Variants in EPPK1 observed in about 807,000 individuals in gnomAD.
EPPK1 encodes epiplakin 1.
For synonymous variants in EPPK1, 1,862 were observed against 1,721.2 expected (o/e 1.08, Z -2.03); for missense variants, 3,823 against 3,673.3 (o/e 1.04, Z -1.05).
intron 1 of EPPK1, among the ~76,000 whole-genome samples, chr8:143,874,726 G>A (rs868917694): frequency 6.6e-6 from 1 of 151,912 alleles, no homozygotes; most frequent in African/African-American, 2.4e-5. Flanking sequence ...TCTGCTCCCC[G>A]TTTTCTCAGC....
intron 1 of EPPK1, among the ~76,000 whole-genome samples, chr8:143,874,691 T>C (rs1331339573): frequency 1.3e-5 from 2 of 152,070 alleles, no homozygotes; most frequent in African/African-American, 4.8e-5. Flanking sequence ...TCTGCACCCC[T>C]GTGCCCACCC....
At chr8:143,873,426 T>G in intron 1 of EPPK1, 128 bp from the exon 2 acceptor site, 1 of 595,826 alleles carries the variant, frequency 1.7e-6, no homozygotes, top group Non-Finnish European at 2.6e-6. Flanking sequence ...AGCTAGAGTG[T>G]CCCCGAGGAG....
In EPPK1 at chr8:143,868,525, G is replaced by A; in HGVS notation, c.4729C>T (p.Leu1577Phe). 6.2e-7 allele frequency: 1 copy of A among 1,607,566 alleles called. No homozygotes were observed. Among genetic ancestry groups the A allele is most frequent in the Non-Finnish European group, 8.5e-7 (1 of 1,177,546 alleles). Reference protein sequence around the residue: ...LEGGNFIAGVLIQGTQERMSI... With the variant: ...LEGGNFIAGVFIQGTQERMSI... ...ATCCTCTCCTGGGTGCCCTGGATAA[G>A]GACCCCGGCAATGAAGTTGCCTCCC... The change falls in exon 2 of 2, where the codon CTT (leucine) becomes TTT (phenylalanine). Residue 1577 changes from leucine (L) to phenylalanine (F), a missense_variant. Coordinates refer to ENST00000615648, the MANE Select transcript of EPPK1 (RefSeq NM_031308.4).
In EPPK1 at chr8:143,870,040, C is replaced by G; in HGVS notation, c.3214G>C (p.Glu1072Gln). 6.2e-7 allele frequency: 1 copy of G among 1,611,136 alleles called. No individual in the cohort carries two copies. The highest frequency in any genetic ancestry group is 8.5e-7 in the Non-Finnish European group (1 of 1,179,132). The stretch of plus-strand genomic sequence containing the variant: ...GAGCTGGACAAGGCTGTCTCCATCT[C>G]CTGGTCAACATAGCCACGCTGAATG... Reference protein sequence around the residue: ...VAIQRGYVDQEMETALSSSSE... With the variant: ...VAIQRGYVDQQMETALSSSSE... Residue 1072 changes from glutamate to glutamine, a missense_variant, in exon 2 of 2, where the codon GAG becomes CAG. By Grantham distance (29) the Glu-to-Gln change is conservative. Transcript: ENST00000615648. The surrounding 1 kb of genome is among the most constrained non-coding windows in gnomAD (Gnocchi z 5.2).
rs1554661172 is a variant in EPPK1, at chr8:143,871,483, C to T, written c.1771G>A (p.Ala591Thr). The T allele has an allele frequency of 6.2e-7, 1 of 1,609,064 alleles. No individual in the cohort carries two copies. Among genetic ancestry groups the T allele is most frequent in the Non-Finnish European group, 8.5e-7 (1 of 1,178,668 alleles). ...AGGCTGCCCACATCCTTGGCTGTGG[C>T]CTGTCCATGCTCCAGCCGCTCGTAC... ...DLYERLEHGQ[A>T]TAKDVGSLAS... The change falls in exon 2 of 2, where the codon GCC (alanine) becomes ACC (threonine). Residue 591 changes from alanine (A) to threonine (T), a missense_variant. By Grantham distance (58) the Ala-to-Thr change is moderately conservative (BLOSUM62 0). Transcript: ENST00000615648.
rs782539431 is a variant in EPPK1 at position 143,872,229 on chromosome 8, G to A, written c.1025C>T (p.Ala342Val). 1.9e-6 allele frequency: 3 copies of A among 1,609,640 alleles called. No homozygotes were observed. Among genetic ancestry groups the A allele is most frequent in the Admixed American group, 1.7e-5 (1 of 59,776 alleles). The change falls in exon 2 of 2, where the codon GCA becomes GTA. Residue 342 changes from alanine to valine, a missense_variant. Transcript: ENST00000615648. ...TGGGCTGACCAGGCCCGCCCTGACT[G>A]CCTCGTCTACCCACAGCCGCTGGCC... Reference protein sequence around the residue: ...ITGQRLWVDEAVRAGLVSPEL... With the variant: ...ITGQRLWVDEVVRAGLVSPEL...
chr8:143,866,825 A>G lies in EPPK1; in HGVS notation c.6429T>C (p.Tyr2143=), dbSNP rs567353491. ...GCAGTGCCCGTCTGGTGTGTGTTCT[A>G]TACATCCTCACCAGCTGGAGCTTCT... ...EEKKLQLVRM[Y]RTHTRRALQT... Residue 2143 remains tyrosine (Y), a synonymous_variant, in exon 2 of 2, where the codon TAT becomes TAC. Transcript: ENST00000615648. 2.5e-6 allele frequency: 4 copies of G among 1,613,374 alleles called. No homozygotes were observed. The highest frequency in any genetic ancestry group is 2.2e-5 in the South Asian group (2 of 91,080).
rs781943003 is a variant in EPPK1, at chr8:143,869,555, G to A, written c.3699C>T (p.Ala1233=). ...GGCAGGCCTTCACCGCCGGCTGCTC[G>A]GCGACCTGGGCGGGCGACTGCGTGC... The part of the protein sequence containing the change: ...AQGTQSPAQV[A]EQPAVKACLW... The change falls in exon 2 of 2, where the codon GCC becomes GCT. Residue 1233 remains alanine, a synonymous_variant. Coordinates refer to ENST00000615648, the MANE Select transcript of EPPK1 (RefSeq NM_031308.4). 2.3e-5 allele frequency: 36 copies of A among 1,557,128 alleles called. 1 individual carries two copies. The highest frequency in any genetic ancestry group is 1.4e-4 in the African/African-American group (10 of 73,594).
At position 143,866,307 on chromosome 8, in the gene EPPK1, C is replaced by T. The variant is rs1819102844; in HGVS notation, c.6947G>A (p.Gly2316Glu). Residue 2316 changes from glycine to glutamate, a missense_variant, in exon 2 of 2, where the codon GGG becomes GAG. Coordinates refer to ENST00000615648, the MANE Select transcript of EPPK1 (RefSeq NM_031308.4). ...AVTGYTDPYTGQQISLFQAMQ... is the reference protein window; with the variant it reads ...AVTGYTDPYTEQQISLFQAMQ... The stretch of plus-strand genomic sequence containing the variant: ...GGCCTGGAAGAGGGAGATCTGCTGC[C>T]CGGTGTAGGGGTCGGTGTAGCCGGT... The T allele has an allele frequency of 3.8e-6, 2 of 519,700 alleles. No individual in the cohort carries two copies. Among genetic ancestry groups the T allele is most frequent in the East Asian group, 3.0e-5 (1 of 33,178 alleles). 32.2% of individuals were successfully genotyped at this position (519,700 alleles called of 1,614,324 possible). A position where few individuals can be genotyped will look rare whatever the true frequency, so the allele number is the denominator to read the frequency against.
In EPPK1 at chr8:143,871,087, G is replaced by C; in HGVS notation, c.2167C>G (p.Gln723Glu). ...TCGATGACGCCGCCCGTGGCGATCT[G>C]GGCCTCCAGCAGGCGGATGCCGTGC... The part of the protein sequence containing the change: ...REHGIRLLEA[Q>E]IATGGVIDPV... The change falls in exon 2 of 2, where the codon CAG becomes GAG. Residue 723 changes from glutamine to glutamate, a missense_variant. Coordinates refer to ENST00000615648, the MANE Select transcript of EPPK1 (RefSeq NM_031308.4). 1 of 1,613,054 alleles carries C rather than the reference G, an allele frequency of 6.2e-7. No homozygotes were observed. The highest frequency in any genetic ancestry group is 8.5e-7 in the Non-Finnish European group (1 of 1,179,988).
chr8:143,873,716 G>C (rs1554662004), intron 1 of EPPK1, among the ~76,000 whole-genome samples: 1 of 152,046 alleles, frequency 6.6e-6, no homozygotes, highest in Non-Finnish European at 1.5e-5. Flanking sequence ...CCACCCACAG[G>C]GCCCGCCCCT....
chr8:143,878,343 G>A (rs112628721), intron 1 of EPPK1, 95 bp downstream of exon 1: 1,334 of 84,604 alleles, frequency 0.016, 33 homozygotes, highest in African/African-American at 0.072. Flanking sequence ...GCCCCGCCCG[G>A]CCCCGAGCCC....
Position 143,869,826 on chromosome 8 carries a change from G to A in EPPK1, c.3428C>T (p.Ser1143Phe). 6.3e-7 allele frequency: 1 copy of A among 1,599,996 alleles called. No individual in the cohort carries two copies. The highest frequency in any genetic ancestry group is 1.3e-5 in the African/African-American group (1 of 74,778). The part of the protein sequence containing the change: ...QAVPGAKDGT[S>F]LWDLLSSCHF... ...GCAGGAGCTGAGCAGGTCCCAGAGG[G>A]ATGTGCCATCCTTGGCCCCCGGCAC... The change falls in exon 2 of 2, where the codon TCC (serine) becomes TTC (phenylalanine). Residue 1143 changes from serine (S) to phenylalanine (F), a missense_variant. Physicochemically the swap from Ser to Phe is radical, Grantham distance 155. Transcript: ENST00000615648.
chr8:143,872,094 T>C lies in EPPK1; in HGVS notation c.1160A>G (p.Asp387Gly), dbSNP rs1554661434. The change falls in exon 2 of 2, where the codon GAC (aspartate) becomes GGC (glycine). Residue 387 changes from aspartate (D) to glycine (G), a missense_variant. Transcript: ENST00000615648. Reference protein sequence around the residue: ...LFQAMKKGLVDRPLALRLLDA... With the variant: ...LFQAMKKGLVGRPLALRLLDA... ...CAAGAGCCGCAGTGCCAGTGGCCTG[T>C]CCACTAGCCCCTTCTTCATGGCCTG... is the stretch of plus-strand genomic sequence containing the variant. The C allele has an allele frequency of 6.4e-7, 1 of 1,561,732 alleles. No individual in the cohort carries two copies. Among genetic ancestry groups the C allele is most frequent in the African/African-American group, 1.4e-5 (1 of 73,738 alleles).
At chr8:143,877,624 G>A (rs781822273) in intron 1 of EPPK1, among the ~76,000 whole-genome samples, 4 of 152,108 alleles carry the variant, frequency 2.6e-5, no homozygotes, top group Non-Finnish European at 5.9e-5. Flanking sequence ...AAAGGTTGGG[G>A]AGGCTGCAGC....
rs782026846 is a variant in EPPK1, at chr8:143,872,853, AAG to A, written c.399_400del (p.Phe134SerfsTer38). On this transcript the variant is annotated frameshift_variant, in exon 2 of 2. Transcript: ENST00000615648. LOFTEE classifies it low-confidence loss of function (END_TRUNC). ...CACAACCTCCTTCCCGATGGCCTGA[AAG>A]AGGGCCAGCTTCTCACCGCCGTAGG... 3.2e-6 allele frequency: 5 copies of A among 1,567,356 alleles called. No homozygotes were observed. In the South Asian group the frequency reaches 5.9e-5, roughly 19 times the overall value.
At chr8:143,875,430 G>A (rs1291589536) in intron 1 of EPPK1, among the ~76,000 whole-genome samples, 2 of 152,250 alleles carry the variant, frequency 1.3e-5, no homozygotes, top group Non-Finnish European at 2.9e-5. Context: ...CTCAGACACG[G>A]AGCTGGGACC....
At position 143,867,223 on chromosome 8, in the gene EPPK1, C is replaced by T. The variant is rs782734320; in HGVS notation, c.6031G>A (p.Val2011Met). Reference protein sequence around the residue: ...AEALRLLEVQVATGGVIDPQH... With the variant: ...AEALRLLEVQMATGGVIDPQH... ...GGGTCGATGACACCCCCCGTGGCCA[C>T]CTGCACCTCCAGCAGCCTCAGTGCC... is the stretch of plus-strand genomic sequence containing the variant. The change falls in exon 2 of 2, where the codon GTG becomes ATG. Residue 2011 changes from valine to methionine, a missense_variant. Physicochemically the swap from Val to Met is conservative, Grantham distance 21 (BLOSUM62 1). Coordinates refer to ENST00000615648, the MANE Select transcript of EPPK1 (RefSeq NM_031308.4). 3.7e-6 allele frequency: 6 copies of T among 1,612,760 alleles called. No homozygotes were observed. The Admixed American group carries it at 1.0e-4, about 27-fold the overall frequency.
Position 143,869,247 on chromosome 8 carries a change from A to G in EPPK1, c.4007T>C (p.Leu1336Pro). ...CTTCTCCATGGCCTGCCACAGAGAGAGGGAGGCCCTAGAGTAGGGATCTGG... is the reference window on the plus strand; with the variant it reads ...CTTCTCCATGGCCTGCCACAGAGAGGGGGAGGCCCTAGAGTAGGGATCTGG... ...GYPDPYSRASLSLWQAMEKGL... is the reference protein window; with the variant it reads ...GYPDPYSRASPSLWQAMEKGL... Residue 1336 changes from leucine (L) to proline (P), a missense_variant, in exon 2 of 2, where the codon CTC (leucine) becomes CCC (proline). By Grantham distance (98) the Leu-to-Pro change is moderately conservative. Transcript: ENST00000615648. 6.2e-7 allele frequency: 1 copy of G among 1,610,384 alleles called. No individual in the cohort carries two copies. Among genetic ancestry groups the G allele is most frequent in the South Asian group, 1.1e-5 (1 of 90,936 alleles).
Sources: gnomAD v4.1 joint callset for allele counts (sites outside exome capture counted in the v4.1 genomes callset) on GRCh38, gnomAD v4.1.1 for gene constraint, Gnocchi (gnomAD v3.1) non-coding constraint, MANE v1.5 for transcripts, NCBI Gene and HGNC (gene_info 2026-07-23, HGNC 2026-07-21) for gene names.